HS6ST3: variants seen among roughly 807,000 people sequenced by gnomAD.
HS6ST3 encodes heparan-sulfate 6-O-sulfotransferase 3.
Under a neutral mutation model 36.7 loss-of-function variants are expected in HS6ST3, and 12 were observed. The ratio of observed to expected loss-of-function variants is 0.33; its 90% CI spans 0.21 to 0.53. HS6ST3 has a LOEUF of 0.53. Among genes scored for constraint, HS6ST3 ranks in the 20% least tolerant of loss-of-function variants. The pLI is 0.95. For missense variants in HS6ST3, 584 were observed against 640.9 expected (o/e 0.91, Z 0.96); for synonymous variants, 240 against 257.5 (o/e 0.93, Z 0.65).
intron 1 of HS6ST3, among the ~76,000 whole-genome samples, chr13:96,632,330 T>C (rs1400217014): frequency 6.6e-6 from 1 of 151,386 alleles, no homozygotes; most frequent in Non-Finnish European, 1.5e-5. Flanking sequence ...TGTTTGTTTG[T>C]TTTTGTTTTT....
At chr13:96,151,521 G>T (rs2054085192) in intron 1 of HS6ST3, among the ~76,000 whole-genome samples, 1 of 152,230 alleles carries the variant, frequency 6.6e-6, no homozygotes, top group Non-Finnish European at 1.5e-5. Context: ...GTCAACAGTG[G>T]TTATCTTTTG....
intron 1 of HS6ST3, among the ~76,000 whole-genome samples, chr13:96,281,485 G>GACT (rs1026404821): frequency 2.0e-5 from 3 of 152,024 alleles, no homozygotes; most frequent in African/African-American, 7.3e-5. Flanking sequence ...TGAGGAGAAA[G>GACT]ACTAGTAGTA....
intron 1 of HS6ST3, among the ~76,000 whole-genome samples, chr13:96,168,551 A>T (rs1354970121): frequency 6.6e-6 from 1 of 151,950 alleles, no homozygotes; most frequent in Non-Finnish European, 1.5e-5. Context: ...ACAAAAAATT[A>T]AAAAATTAGC....
rs137971723 is a variant in HS6ST3 at position 96,300,175 on chromosome 13, G to A, written c.707+208606G>A. Among the ~76,000 whole-genome samples, 58 of 147,802 alleles carry A rather than the reference G, an allele frequency of 3.9e-4. No individual in the cohort carries two copies. In the East Asian group the frequency reaches 6.4e-3, roughly 16 times the overall value. Reference sequence around the variant, plus strand: ...AGGTTCAAGCAATTCTCCTGCCTCAGCCTCCTGAGTAGCTGAGATTACAGG... The same window carrying A: ...AGGTTCAAGCAATTCTCCTGCCTCAACCTCCTGAGTAGCTGAGATTACAGG... On this transcript the variant is annotated intron_variant, in intron 1 of 1. Coordinates refer to ENST00000376705, the MANE Select transcript of HS6ST3 (RefSeq NM_153456.4).
intron 1 of HS6ST3, among the ~76,000 whole-genome samples, chr13:96,318,665 G>GT (rs11432080): frequency 0.36 from 54,316 of 151,652 alleles, 10,016 homozygotes; most frequent in African/African-American, 0.42. Flanking sequence ...CTCATTACTT[G>GT]TTTTTTTTGG....
At chr13:96,350,566 GTTCATT>G (rs940471581) in intron 1 of HS6ST3, among the ~76,000 whole-genome samples, 9 of 152,172 alleles carry the variant, frequency 5.9e-5, no homozygotes, top group Middle Eastern at 3.2e-3. Flanking sequence ...AATCTTATAT[GTTCATT>G]TTGCCTGCAG....
chr13:96,126,635 A>T (rs928037241), intron 1 of HS6ST3, among the ~76,000 whole-genome samples: 8 of 152,078 alleles, frequency 5.3e-5, no homozygotes, highest in Non-Finnish European at 1.0e-4. Flanking sequence ...TGCTGGGGTT[A>T]TGTACGGTAT....
At chr13:96,632,481 AT>A (rs1449883317) in intron 1 of HS6ST3, among the ~76,000 whole-genome samples, 1 of 152,166 alleles carries the variant, frequency 6.6e-6, no homozygotes, top group East Asian at 1.9e-4. Flanking sequence ...ATCAGCTAAT[AT>A]GCTTTGATTT....
chr13:96,543,797 A>G (rs1321004246), intron 1 of HS6ST3, among the ~76,000 whole-genome samples: 1 of 152,182 alleles, frequency 6.6e-6, no homozygotes. Context: ...AACACAAACT[A>G]TGAAGGATGA....
chr13:96,690,310 A>T (rs1874919547), intron 1 of HS6ST3, among the ~76,000 whole-genome samples: 1 of 152,144 alleles, frequency 6.6e-6, no homozygotes, highest in African/African-American at 2.4e-5. Context: ...TATAATTTAT[A>T]TGCAGACATA....
chr13:96,402,520 A>G (rs1309768644), intron 1 of HS6ST3, among the ~76,000 whole-genome samples: 2 of 152,184 alleles, frequency 1.3e-5, no homozygotes, highest in Admixed American at 6.5e-5. Flanking sequence ...CCACACCTCT[A>G]TCAAGAAATA....
At chr13:96,748,796 A>T (rs1345442503) in intron 1 of HS6ST3, among the ~76,000 whole-genome samples, 2 of 151,934 alleles carry the variant, frequency 1.3e-5, no homozygotes, top group Admixed American at 1.3e-4. Context: ...AATAATAATT[A>T]TACTCCTTCC....
chr13:96,774,893 G>T (rs1030210745), intron 1 of HS6ST3, among the ~76,000 whole-genome samples: 1 of 152,058 alleles, frequency 6.6e-6, no homozygotes, highest in Non-Finnish European at 1.5e-5. Flanking sequence ...GATTCACCAA[G>T]GTTGAAATGC....
At chr13:96,242,819 C>T (rs1305276378) in intron 1 of HS6ST3, among the ~76,000 whole-genome samples, 3 of 152,208 alleles carry the variant, frequency 2.0e-5, no homozygotes, top group Non-Finnish European at 2.9e-5. Context: ...AGTCTCACCT[C>T]TGGATTGCTT....
chr13:96,236,183 G>C (rs1342956623), intron 1 of HS6ST3, among the ~76,000 whole-genome samples: 2 of 152,166 alleles, frequency 1.3e-5, no homozygotes, highest in Non-Finnish European at 2.9e-5. Context: ...TAGTCATGCT[G>C]TTATGCTGCT....
At chr13:96,309,053 T>C (rs2054927573) in intron 1 of HS6ST3, among the ~76,000 whole-genome samples, 2 of 152,182 alleles carry the variant, frequency 1.3e-5, no homozygotes, top group South Asian at 2.1e-4. Context: ...CTAAGTGAAT[T>C]TGAGATCAAA....
At chr13:96,187,907 C>T (rs1394399602) in intron 1 of HS6ST3, among the ~76,000 whole-genome samples, 1 of 152,158 alleles carries the variant, frequency 6.6e-6, no homozygotes, top group Non-Finnish European at 1.5e-5. Context: ...AATGAATCTC[C>T]TTAAGAGGAG....
At chr13:96,535,410 T>C (rs1722786863) in intron 1 of HS6ST3, among the ~76,000 whole-genome samples, 1 of 151,660 alleles carries the variant, frequency 6.6e-6, no homozygotes, top group Admixed American at 6.6e-5. Context: ...TACTAAAAAT[T>C]AGCTGAGCAT....
At chr13:96,187,971 G>T (rs530603990) in intron 1 of HS6ST3, among the ~76,000 whole-genome samples, 1 of 152,292 alleles carries the variant, frequency 6.6e-6, no homozygotes, top group South Asian at 2.1e-4. Flanking sequence ...AGCCATTCAA[G>T]TTCTAATCAT....
Sources: allele counts gnomAD v4.1 joint callset (sites outside exome capture counted in the v4.1 genomes callset), GRCh38; gene constraint gnomAD v4.1.1; transcripts MANE v1.5; gene names NCBI Gene and HGNC (gene_info 2026-07-23, HGNC 2026-07-21).